GLI2: variants seen among roughly 807,000 people sequenced by gnomAD.
GLI2 encodes the protein transcription activator GLI2.
A neutral mutation model predicts 78.9 loss-of-function variants in GLI2; 22 were observed. The observed-to-expected ratio is 0.28, with a 90% CI of 0.20 to 0.40. GLI2 has a LOEUF of 0.40. GLI2 is among the 10% of genes least tolerant of loss of function. GLI2 has a pLI of 1.00. For synonymous variants in GLI2, 974 were observed against 963.7 expected (o/e 1.01, Z -0.20); for missense variants, 2,097 against 2,213.2 (o/e 0.95, Z 1.05).
At position 120,955,627 on chromosome 2, in the gene GLI2, G is replaced by A. The variant is rs13010895; in HGVS notation, c.643+197G>A. Among the ~76,000 whole-genome samples, 120,397 of 152,198 alleles carry A rather than the reference G, an allele frequency of 0.79. 52,268 individuals are homozygous for A. Among genetic ancestry groups the A allele is most frequent in the East Asian group, 1 (5,174 of 5,180 alleles). On this transcript the variant is annotated intron_variant, in intron 5 of 13. Coordinates refer to ENST00000361492, the MANE Select transcript of GLI2 (RefSeq NM_001374353.1). ...ACTGAGTCACCACAGGCCAGGAGGC[G>A]TTGTAAGCATCGCAGACACCACAGC...
intron 3 of GLI2, among the ~76,000 whole-genome samples, chr2:120,927,878 T>C (rs1170017237): frequency 6.6e-6 from 1 of 152,190 alleles, no homozygotes; most frequent in South Asian, 2.1e-4. Flanking sequence ...CTTTGAATAG[T>C]AAATTGTATA....
At chr2:120,953,449 A>T (rs1189801661) in intron 4 of GLI2, among the ~76,000 whole-genome samples, 1 of 152,252 alleles carries the variant, frequency 6.6e-6, no homozygotes, top group African/African-American at 2.4e-5. Context: ...GTGAGAGAAT[A>T]AAGTTCTGTT....
At chr2:120,988,109 C>T in intron 13 of GLI2, 99 bp from the exon 14 acceptor site, 1 of 1,006,562 alleles carries the variant, frequency 9.9e-7, no homozygotes, top group Non-Finnish European at 1.4e-6. Context: ...TGTTGCAAGC[C>T]CTCTTCTCGG....
At chr2:120,754,749 G>A (rs966760944) in intron 1 of GLI2, among the ~76,000 whole-genome samples, 2 of 152,166 alleles carry the variant, frequency 1.3e-5, no homozygotes, top group Non-Finnish European at 2.9e-5. Context: ...GTCATTGTAT[G>A]CGCATGTGCT....
chr2:120,964,296 T>C (rs1681728378), intron 5 of GLI2, among the ~76,000 whole-genome samples: 1 of 152,208 alleles, frequency 6.6e-6, no homozygotes, highest in African/African-American at 2.4e-5. Context: ...GAAGGAGACC[T>C]GGTGGCTGGA....
intron 1 of GLI2, among the ~76,000 whole-genome samples, chr2:120,793,428 C>A (rs1209032005): frequency 6.6e-6 from 1 of 152,178 alleles, no homozygotes; most frequent in Non-Finnish European, 1.5e-5. Context: ...CCCAGGCAGC[C>A]CCTGGAGGCC....
At chr2:120,753,093 A>ATT (rs55697602) in intron 1 of GLI2, among the ~76,000 whole-genome samples, 3,323 of 111,824 alleles carry the variant, frequency 0.03, 281 homozygotes, top group African/African-American at 0.093. Context: ...TTCTGTACGT[A>ATT]TTTTTTTTTT....
intron 7 of GLI2, among the ~76,000 whole-genome samples, chr2:120,971,693 A>G (rs930734027): frequency 6.6e-6 from 1 of 152,026 alleles, no homozygotes; most frequent in African/African-American, 2.4e-5. Flanking sequence ...TCTCTTTCCC[A>G]TTTCCCAGAA....
At chr2:120,821,951 G>A (rs550424019) in intron 2 of GLI2, among the ~76,000 whole-genome samples, 5 of 152,332 alleles carry the variant, frequency 3.3e-5, no homozygotes, top group East Asian at 1.9e-4. Context: ...CACGGGGGCC[G>A]GGAGAAAGTG....
intron 5 of GLI2, among the ~76,000 whole-genome samples, chr2:120,959,406 T>C (rs1003503781): frequency 2.6e-5 from 4 of 152,216 alleles, no homozygotes; most frequent in African/African-American, 9.6e-5. Flanking sequence ...AGATGCCTTC[T>C]TTCCCTTTGT....
At position 120,986,620 on chromosome 2, in the gene GLI2, T is replaced by C. The variant is rs1372355295; in HGVS notation, c.2242+6T>C. 1 of 1,612,568 alleles carries C rather than the reference T, an allele frequency of 6.2e-7. No homozygotes were observed. The highest frequency in any genetic ancestry group is 1.7e-5 in the Admixed American group (1 of 59,988). On this transcript the variant is annotated splice_donor_region_variant and intron_variant, in intron 13 of 13. Transcript: ENST00000361492. Reference sequence around the variant, plus strand: ...GCCTCCCCTCCCGGGAAGTGGTGAGTAAAGGCCTGGGGTTTGCAGATGGGG... The same window carrying C: ...GCCTCCCCTCCCGGGAAGTGGTGAGCAAAGGCCTGGGGTTTGCAGATGGGG...
chr2:120,844,789 C>T (rs1687035334), intron 2 of GLI2, among the ~76,000 whole-genome samples: 1 of 152,220 alleles, frequency 6.6e-6, no homozygotes, highest in African/African-American at 2.4e-5. Context: ...AGAGACCCCT[C>T]AGTCTCAGGA....
intron 2 of GLI2, among the ~76,000 whole-genome samples, chr2:120,920,666 A>G (rs1339114432): frequency 6.6e-6 from 1 of 152,076 alleles, no homozygotes; most frequent in African/African-American, 2.4e-5. Context: ...CGCCACCCTC[A>G]GCTTCTCAGG....
chr2:120,893,492 C>T (rs1188274027), intron 2 of GLI2, among the ~76,000 whole-genome samples: 1 of 152,168 alleles, frequency 6.6e-6, no homozygotes, highest in Non-Finnish European at 1.5e-5. Context: ...AGAGATTTCT[C>T]ATGGCTCAGT....
Position 120,885,081 on chromosome 2 carries a change from G to C in GLI2, c.149-42280G>C, listed in dbSNP as rs779476208. Among the ~76,000 whole-genome samples the C allele has an allele frequency of 1.2e-4, 18 of 152,232 alleles. 1 individual carries two copies. The South Asian group carries it at 1.5e-3, about 12-fold the overall frequency. On this transcript the variant is annotated intron_variant, in intron 2 of 13. Transcript: ENST00000361492. ...CCACCCCAACCTCACTGCCCCTCTA[G>C]AGCTTATTGCCTTTCAAATACAGCT...
At chr2:120,810,240 C>A (rs1489324894) in intron 2 of GLI2, among the ~76,000 whole-genome samples, 2 of 152,236 alleles carry the variant, frequency 1.3e-5, no homozygotes, top group Non-Finnish European at 2.9e-5. Context: ...CGGTGAGTAT[C>A]TACCAGATCT....
At chr2:120,900,414 A>G (rs277543) in intron 2 of GLI2, among the ~76,000 whole-genome samples, 76,156 of 152,044 alleles carry the variant, frequency 0.5, 22,727 homozygotes, top group African/African-American at 0.84. Context: ...AGCTGCTGAG[A>G]AGCAAGGACC....
intron 2 of GLI2, among the ~76,000 whole-genome samples, chr2:120,924,905 TC>T (rs1247368989): frequency 3.9e-5 from 6 of 152,258 alleles, no homozygotes; most frequent in Non-Finnish European, 7.3e-5. Context: ...GCGAAGCGCC[TC>T]CTGTGTGTGG....
intron 8 of GLI2, 163 bp from the exon 9 acceptor site, chr2:120,974,812 A>G: frequency 3.4e-6 from 3 of 888,604 alleles, no homozygotes; most frequent in Non-Finnish European, 5.6e-6. Flanking sequence ...GTCTGCATGC[A>G]TGTGTTGTGT....
Sources: allele counts gnomAD v4.1 joint callset (sites outside exome capture counted in the v4.1 genomes callset), GRCh38; gene constraint gnomAD v4.1.1; transcripts MANE v1.5; gene names NCBI Gene and HGNC (gene_info 2026-07-23, HGNC 2026-07-21).